Variants in PPAT observed in about 807,000 individuals in gnomAD.
The protein encoded by PPAT is amidophosphoribosyltransferase.
In PPAT, 20 loss-of-function variants were observed where a neutral mutation model predicts 60.2. The ratio of observed to expected loss-of-function variants is 0.33; its 90% CI spans 0.23 to 0.48. The LOEUF (loss-of-function observed/expected upper bound fraction) is 0.48. PPAT is among the 20% of genes least tolerant of loss of function. The pLI is 0.99. For missense variants in PPAT, 349 were observed against 629.6 expected, an observed-to-expected ratio of 0.55 and a Z score of 4.77; for synonymous variants, 194 against 215.1, an observed-to-expected ratio of 0.90 and a Z score of 0.86.
At chr4:56,416,326 T>C in intron 1 of PPAT, 3 of 384,020 alleles carry the variant, frequency 7.8e-6, no homozygotes, top group Non-Finnish European at 1.1e-5. Context: ...ATGTTGTTTC[T>C]AAAAGGAATT....
At chr4:56,410,445 C>T in intron 1 of PPAT, 1 of 848,550 alleles carries the variant, frequency 1.2e-6, no homozygotes, top group African/African-American at 1.8e-5. Context: ...TTATTGACAA[C>T]CAGCCATGTG....
At chr4:56,411,496 T>G (rs1403540230) in intron 1 of PPAT, among the ~76,000 whole-genome samples, 2 of 152,212 alleles carry the variant, frequency 1.3e-5, no homozygotes, top group Non-Finnish European at 2.9e-5. Context: ...CTAAGTGATT[T>G]ACAGGGGTTT....
chr4:56,402,371 T>G (rs1466112321), intron 5 of PPAT, among the ~76,000 whole-genome samples, 190 bp from the exon 6 acceptor site: 1 of 152,166 alleles, frequency 6.6e-6, no homozygotes, highest in African/African-American at 2.4e-5. Context: ...AGATTCCTTC[T>G]AACATTATGA....
intron 3 of PPAT, among the ~76,000 whole-genome samples, chr4:56,405,863 A>G (rs1417736996): frequency 6.6e-6 from 1 of 152,210 alleles, no homozygotes; most frequent in Non-Finnish European, 1.5e-5. Context: ...GGGCTGTTGC[A>G]GGAACTCCCA....
chr4:56,412,226 G>C (rs2110046194), intron 1 of PPAT, among the ~76,000 whole-genome samples: 1 of 151,966 alleles, frequency 6.6e-6, no homozygotes, highest in Admixed American at 6.5e-5. Flanking sequence ...ATAAACAGAG[G>C]GACTATCCTT....
chr4:56,422,876 G>C (rs1717113536), intron 1 of PPAT: 1 of 152,172 alleles, frequency 6.6e-6, no homozygotes, highest in Non-Finnish European at 1.5e-5. Flanking sequence ...CATTAACTGA[G>C]AACTTACTCA....
chr4:56,406,343 T>C lies in PPAT; in HGVS notation c.402+152A>G, dbSNP rs111343815. On this transcript the variant is annotated intron_variant, in intron 3 of 10. Coordinates refer to ENST00000264220, the MANE Select transcript of PPAT (RefSeq NM_002703.5). Reference sequence around the variant, plus strand: ...GCTTACAATCTGGAATTGTAACAAGTACTCCAGATCATTCTGATGCAATTG... The same window carrying C: ...GCTTACAATCTGGAATTGTAACAAGCACTCCAGATCATTCTGATGCAATTG... 2,352 of 775,730 alleles carry C rather than the reference T, an allele frequency of 3.0e-3. 67 individuals carry two copies. In the South Asian group the frequency reaches 0.035, roughly 11 times the overall value. The allele number at this position is 775,730 out of a possible 1,614,324, so 48.1% of individuals were successfully genotyped here.
intron 1 of PPAT, among the ~76,000 whole-genome samples, chr4:56,432,997 T>TTATATATA (rs370961590): frequency 1.2e-3 from 184 of 148,504 alleles, no homozygotes; most frequent in African/African-American, 4.2e-3. Context: ...CACACGTATT[T>TTATATATA]TATATATATA....
intron 9 of PPAT, among the ~76,000 whole-genome samples, chr4:56,397,698 T>C (rs1314772116): frequency 7.2e-5 from 11 of 152,092 alleles, no homozygotes; most frequent in African/African-American, 2.4e-4. Flanking sequence ...ACAATAAATA[T>C]ATACATTTGT....
At chr4:56,400,673 C>T (rs947851436) in intron 8 of PPAT, 111 bp downstream of exon 8, 6 of 1,210,032 alleles carry the variant, frequency 5.0e-6, no homozygotes, top group Non-Finnish European at 6.6e-6. Flanking sequence ...ACATTAACCA[C>T]CAAAGCTTCC....
intron 1 of PPAT, among the ~76,000 whole-genome samples, chr4:56,424,595 A>T (rs1241510883): frequency 1.3e-5 from 2 of 152,262 alleles, no homozygotes; most frequent in Non-Finnish European, 2.9e-5. Flanking sequence ...GTGGCCCATG[A>T]AAATTGAATA....
intron 1 of PPAT, among the ~76,000 whole-genome samples, chr4:56,433,129 A>C (rs1051141990): frequency 6.6e-6 from 1 of 151,956 alleles, no homozygotes; most frequent in African/African-American, 2.4e-5. Flanking sequence ...TTCCAAGCAG[A>C]ATCAGTCCTC....
At chr4:56,401,687 T>C (rs1351517282) in intron 6 of PPAT, among the ~76,000 whole-genome samples, 1 of 152,138 alleles carries the variant, frequency 6.6e-6, no homozygotes, top group Non-Finnish European at 1.5e-5. Flanking sequence ...AGTTCTAGTA[T>C]AGAATTAAAA....
intron 1 of PPAT, among the ~76,000 whole-genome samples, chr4:56,411,123 A>T (rs1716443458): frequency 2.6e-5 from 4 of 152,150 alleles, no homozygotes; most frequent in African/African-American, 7.2e-5. Flanking sequence ...AAAATCTGTA[A>T]AATACAGAAA....
At position 56,425,683 on chromosome 4, in the gene PPAT, C is replaced by A. The variant is rs115332602; in HGVS notation, c.128+9667G>T. 9.5e-3 allele frequency among the ~76,000 whole-genome samples: 1,444 copies of A among 152,218 alleles called. 10 individuals are homozygous for A. Among genetic ancestry groups the A allele is most frequent in the Middle Eastern group, 0.02 (6 of 294 alleles). On this transcript the variant is annotated intron_variant, in intron 1 of 10. Coordinates refer to ENST00000264220, the MANE Select transcript of PPAT (RefSeq NM_002703.5). ...AATGAGGCTACTCTAGGTGGGTTCCCAGATAGCTTCAGGATAGGGGGTAGT... is the reference window on the plus strand; with the variant it reads ...AATGAGGCTACTCTAGGTGGGTTCCAAGATAGCTTCAGGATAGGGGGTAGT...
intron 1 of PPAT, among the ~76,000 whole-genome samples, chr4:56,427,276 T>A (rs116348933): frequency 0.014 from 2,086 of 152,338 alleles, 50 homozygotes; most frequent in African/African-American, 0.047. Flanking sequence ...TGGTAATTTG[T>A]GTTTAATTTT....
rs1288747875 is a variant in PPAT, at chr4:56,435,374, A to C, written c.104T>G (p.Leu35Arg). The change falls in exon 1 of 11, where the codon CTG (leucine) becomes CGG (arginine). Residue 35 changes from leucine (L) to arginine (R), a missense_variant. By Grantham distance (102) the Leu-to-Arg change is moderately radical. Coordinates refer to ENST00000264220, the MANE Select transcript of PPAT (RefSeq NM_002703.5). The part of the protein sequence containing the change: ...TQLDVPHVIT[L>R]GLVGLQHRGQ... ...CCGGTGCTGCAGCCCCACGAGTCCC[A>C]GAGTGATCACATGCGGTACATCCAG... 1.2e-6 allele frequency: 2 copies of C among 1,611,322 alleles called. No individual in the cohort carries two copies. The highest frequency in any genetic ancestry group is 2.2e-5 in the East Asian group (1 of 44,724).
rs28561902 is a variant in PPAT at position 56,398,967 on chromosome 4, G to A, written c.1236+212C>T. On this transcript the variant is annotated intron_variant, in intron 9 of 10. Transcript: ENST00000264220. ...TCGCCCAGCCTTAAGCTTTTATATT[G>A]AGCTTTTTTAATCTATTAAGGATTA... 6.0e-3 allele frequency among the ~76,000 whole-genome samples: 919 copies of A among 151,994 alleles called. 12 individuals carry two copies. The highest frequency in any genetic ancestry group is 0.021 in the African/African-American group (872 of 41,400).
chr4:56,420,541 T>TCAAA, intron 1 of PPAT: 1 of 152,178 alleles, frequency 6.6e-6, no homozygotes, highest in Non-Finnish European at 1.5e-5. Flanking sequence ...TAGTATACAT[T>TCAAA]TGATCTTCCC....
Sources: allele counts gnomAD v4.1 joint callset (sites outside exome capture counted in the v4.1 genomes callset), GRCh38; gene constraint gnomAD v4.1.1; transcripts MANE v1.5; gene names NCBI Gene and HGNC (gene_info 2026-07-23, HGNC 2026-07-21).